ADGRB3: variants seen among roughly 807,000 people sequenced by gnomAD.
The protein encoded by ADGRB3 is adhesion G protein-coupled receptor B3, also known as brain-specific angiogenesis inhibitor 3.
ADGRB3 carries 37 observed loss-of-function variants against 193.4 expected under a neutral mutation model. The observed-to-expected ratio is 0.19, with a 90% CI of 0.15 to 0.25. The LOEUF (loss-of-function observed/expected upper bound fraction) is 0.25, where lower values mean the gene tolerates loss of function less well. Ranked by LOEUF, ADGRB3 falls within the 10% of genes least tolerant of loss-of-function variation. The probability of loss-of-function intolerance (pLI) is 1.00; values close to 1 mark genes in which losing one functional copy is unlikely to be tolerated. For synonymous variants in ADGRB3, 690 were observed against 644.2 expected (o/e 1.07, Z -1.08); for missense variants, 1,637 against 1,852.9 (o/e 0.88, Z 2.14).
intron 16 of ADGRB3, among the ~76,000 whole-genome samples, chr6:69,068,364 G>T (rs1248201337): frequency 6.6e-6 from 1 of 152,078 alleles, no homozygotes; most frequent in Admixed American, 6.6e-5. Flanking sequence ...GCTATATATT[G>T]TACCTATATA....
At chr6:68,784,280 C>A (rs990515597) in intron 3 of ADGRB3, among the ~76,000 whole-genome samples, 6 of 152,024 alleles carry the variant, frequency 3.9e-5, no homozygotes, top group Admixed American at 2.6e-4. Flanking sequence ...AAGTGGGCCT[C>A]TTGTGCAAAC....
intron 22 of ADGRB3, among the ~76,000 whole-genome samples, chr6:69,329,746 C>T (rs757734457): frequency 3.3e-5 from 5 of 152,262 alleles, no homozygotes; most frequent in Non-Finnish European, 7.4e-5. Context: ...TTTCACTTTC[C>T]TGGATTCTGC....
chr6:69,089,144 T>C (rs769076315), intron 17 of ADGRB3, among the ~76,000 whole-genome samples: 1 of 152,234 alleles, frequency 6.6e-6, no homozygotes, highest in Non-Finnish European at 1.5e-5. Flanking sequence ...AAATGCTCAG[T>C]AAAGTCATTT....
intron 3 of ADGRB3, among the ~76,000 whole-genome samples, chr6:68,723,305 A>C (rs2127325666): frequency 6.6e-6 from 1 of 151,748 alleles, no homozygotes; most frequent in African/African-American, 2.4e-5. Context: ...TTTAACTGGT[A>C]TCTTCTATCT....
Position 68,955,932 on chromosome 6 carries a change from T to C in ADGRB3, c.1196-92T>C, listed in dbSNP as rs1033477061. ...TTCATTCATAGTCCATTGATTGGGG[T>C]TCATCTTCAAGGGTGGTTTTACCAG... On this transcript the variant is annotated intron_variant, in intron 6 of 31. Transcript: ENST00000370598. 8 of 1,305,424 alleles carry C rather than the reference T, an allele frequency of 6.1e-6. No homozygotes were observed. In the African/African-American group the frequency reaches 1.2e-4, roughly 19 times the overall value. The allele number at this position is 1,305,424 out of a possible 1,614,324, so 80.9% of individuals were successfully genotyped here.
At chr6:68,868,229 T>A (rs1765358385) in intron 3 of ADGRB3, among the ~76,000 whole-genome samples, 1 of 151,878 alleles carries the variant, frequency 6.6e-6, no homozygotes, top group Non-Finnish European at 1.5e-5. Context: ...CTGGTGAGAG[T>A]GAGTTAGTTC....
rs561793412 is a variant in ADGRB3, at chr6:69,167,897, A to G, written c.2481-65393A>G. ...TGGTTCATGTTTTTAGGCAGCCTCA[A>G]TGAGTTTCCCACAACAATGGAATTT... On this transcript the variant is annotated intron_variant, in intron 17 of 31. Coordinates refer to ENST00000370598, the MANE Select transcript of ADGRB3 (RefSeq NM_001704.3). 1.6e-4 allele frequency among the ~76,000 whole-genome samples: 25 copies of G among 152,282 alleles called. No homozygotes were observed. The South Asian group carries it at 4.1e-3, about 25-fold the overall frequency.
chr6:69,001,295 C>A (rs1255596608), intron 11 of ADGRB3, among the ~76,000 whole-genome samples: 1 of 152,202 alleles, frequency 6.6e-6, no homozygotes, highest in Non-Finnish European at 1.5e-5. Context: ...TCTTTATGAT[C>A]TGCATTTTCC....
intron 3 of ADGRB3, among the ~76,000 whole-genome samples, chr6:68,892,969 A>T (rs1766121125): frequency 1.3e-5 from 2 of 152,094 alleles, no homozygotes; most frequent in African/African-American, 2.4e-5. Context: ...TCTACACCAG[A>T]GGAATAATTT....
chr6:69,235,784 AT>A (rs1195442474), intron 19 of ADGRB3, among the ~76,000 whole-genome samples: 3 of 151,984 alleles, frequency 2.0e-5, no homozygotes, highest in Admixed American at 2.0e-4. Context: ...AAAGCCTAGT[AT>A]TTTTTAAGAC....
intron 6 of ADGRB3, among the ~76,000 whole-genome samples, 161 bp downstream of exon 6, chr6:68,944,155 A>G (rs1010215022): frequency 1.1e-4 from 17 of 152,166 alleles, no homozygotes; most frequent in Non-Finnish European, 1.8e-4. Context: ...TCTTGATTCT[A>G]TCATATGTAG....
chr6:68,927,042 A>C (rs1022525289), intron 3 of ADGRB3, among the ~76,000 whole-genome samples: 32 of 152,190 alleles, frequency 2.1e-4, no homozygotes, highest in Admixed American at 7.9e-4. Flanking sequence ...TAAACATGGC[A>C]GTCATCTCTA....
chr6:68,824,995 C>G (rs1229498651), intron 3 of ADGRB3, among the ~76,000 whole-genome samples: 1 of 151,922 alleles, frequency 6.6e-6, no homozygotes, highest in Non-Finnish European at 1.5e-5. Flanking sequence ...GCTGGGACTT[C>G]AGGTGCATGC....
intron 20 of ADGRB3, among the ~76,000 whole-genome samples, chr6:69,317,254 G>A (rs1363742357): frequency 1.3e-5 from 2 of 151,454 alleles, no homozygotes; most frequent in Non-Finnish European, 3.0e-5. Context: ...ACCAGTATAT[G>A]AGAGTTTTTT....
chr6:68,808,426 CTT>C (rs574558007), intron 3 of ADGRB3, among the ~76,000 whole-genome samples: 27 of 139,672 alleles, frequency 1.9e-4, no homozygotes, highest in Non-Finnish European at 2.7e-4. Flanking sequence ...TTTTCAAGAC[CTT>C]TTTTTTTTTT....
chr6:69,380,554 TTGTCTG>T (rs1769925639), intron 30 of ADGRB3, among the ~76,000 whole-genome samples: 1 of 151,774 alleles, frequency 6.6e-6, no homozygotes, highest in Admixed American at 6.6e-5. Context: ...GAGCTAGAAA[TTGTCTG>T]AATCCTAGAA....
intron 10 of ADGRB3, among the ~76,000 whole-genome samples, chr6:68,987,451 TATGAAA>T (rs1026034830): frequency 1.9e-4 from 29 of 152,274 alleles, no homozygotes; most frequent in African/African-American, 6.3e-4. Context: ...TGTTTCTTCA[TATGAAA>T]AAGATTGAAT....
intron 24 of ADGRB3, among the ~76,000 whole-genome samples, chr6:69,335,577 A>G (rs1768828240): frequency 6.6e-6 from 1 of 152,128 alleles, no homozygotes; most frequent in Non-Finnish European, 1.5e-5. Context: ...ACTCCATTCC[A>G]AAGTGTGATT....
chr6:69,370,809 C>CA (rs140946149), intron 29 of ADGRB3, among the ~76,000 whole-genome samples: 2,018 of 152,182 alleles, frequency 0.013, 43 homozygotes, highest in African/African-American at 0.044. Flanking sequence ...TGTATACTGA[C>CA]AAAAATGTCC....
Sources: gnomAD v4.1 joint callset for allele counts (sites outside exome capture counted in the v4.1 genomes callset) on GRCh38, gnomAD v4.1.1 for gene constraint, MANE v1.5 for transcripts, NCBI Gene and HGNC (gene_info 2026-07-23, HGNC 2026-07-21) for gene names.